ERGIC1: variants seen among roughly 807,000 people sequenced by gnomAD.
The protein encoded by ERGIC1 is endoplasmic reticulum-golgi intermediate compartment 1.
A neutral mutation model predicts 38.3 loss-of-function variants in ERGIC1; 19 were observed. The observed-to-expected ratio is 0.50, with a 90% CI of 0.35 to 0.73. The LOEUF (loss-of-function observed/expected upper bound fraction) is 0.73. Among genes scored for constraint, ERGIC1 ranks in the 30% least tolerant of loss-of-function variants. The pLI is 0.01. For synonymous variants in ERGIC1, 124 were observed against 157.6 expected (o/e 0.79, Z 1.60); for missense variants, 294 against 389.2 (o/e 0.76, Z 2.06).
intron 1 of ERGIC1, among the ~76,000 whole-genome samples, chr5:172,881,062 A>G (rs1431542386): frequency 6.6e-6 from 1 of 152,208 alleles, no homozygotes; most frequent in Non-Finnish European, 1.5e-5. Context: ...CAGCCTGACC[A>G]ACATGGAGAA....
chr5:172,886,661 C>T (rs1041643998), intron 1 of ERGIC1, among the ~76,000 whole-genome samples: 1 of 152,198 alleles, frequency 6.6e-6, no homozygotes, highest in Non-Finnish European at 1.5e-5. Flanking sequence ...CCAGGCTCTG[C>T]CTAAGTACTT....
intron 6 of ERGIC1, 68 bp downstream of exon 6, chr5:172,924,177 C>T: frequency 7.1e-7 from 1 of 1,404,168 alleles, no homozygotes; most frequent in Non-Finnish European, 1.0e-6. Context: ...ACCCAGTGCC[C>T]TCTGCCCTCT....
At chr5:172,899,349 G>C (rs547034077) in intron 3 of ERGIC1, among the ~76,000 whole-genome samples, 6 of 128,332 alleles carry the variant, frequency 4.7e-5, no homozygotes, top group Admixed American at 9.8e-5. Flanking sequence ...ACGGAGTCTC[G>C]CTCTGTCGTC....
intron 4 of ERGIC1, among the ~76,000 whole-genome samples, chr5:172,913,988 A>C (rs1763275247): frequency 6.6e-6 from 1 of 152,130 alleles, no homozygotes; most frequent in Admixed American, 6.5e-5. Flanking sequence ...TAATCCCAGC[A>C]CTTTGGGAGG....
At chr5:172,904,782 C>T (rs548877652) in intron 3 of ERGIC1, among the ~76,000 whole-genome samples, 153 of 152,202 alleles carry the variant, frequency 1.0e-3, no homozygotes, top group African/African-American at 3.5e-3. Flanking sequence ...GCCTTGGACA[C>T]GAAGGCGAAG....
intron 1 of ERGIC1, among the ~76,000 whole-genome samples, chr5:172,852,062 T>G (rs1761422836): frequency 6.6e-6 from 1 of 152,016 alleles, no homozygotes; most frequent in African/African-American, 2.4e-5. Context: ...TACCTGTCAA[T>G]GGGTGAACCA....
intron 9 of ERGIC1, chr5:172,936,294 T>C (rs1429619265): frequency 6.6e-6 from 1 of 152,286 alleles, no homozygotes; most frequent in Non-Finnish European, 1.5e-5. Context: ...TGGCTTCATC[T>C]TCAAGTAGAA....
At chr5:172,840,579 GGTCGGGT>G (rs1233415784) in intron 1 of ERGIC1, among the ~76,000 whole-genome samples, 7 of 152,198 alleles carry the variant, frequency 4.6e-5, no homozygotes, top group Non-Finnish European at 1.0e-4. Context: ...AGGGGAGCCA[GGTCGGGT>G]GGCGGTGGAG....
At chr5:172,928,118 C>T (rs1319191121) in intron 7 of ERGIC1, among the ~76,000 whole-genome samples, 1 of 152,116 alleles carries the variant, frequency 6.6e-6, no homozygotes, top group Non-Finnish European at 1.5e-5. Context: ...CATCCGACGT[C>T]GGCCGTCCAC....
intron 9 of ERGIC1, among the ~76,000 whole-genome samples, chr5:172,943,078 C>G (rs1336084298): frequency 2.0e-5 from 3 of 152,164 alleles, no homozygotes; most frequent in Non-Finnish European, 2.9e-5. Flanking sequence ...AGCCCTGTGA[C>G]TGTGGACAAG....
intron 3 of ERGIC1, among the ~76,000 whole-genome samples, chr5:172,904,877 G>A (rs1762978162): frequency 6.6e-6 from 1 of 152,204 alleles, no homozygotes; most frequent in Non-Finnish European, 1.5e-5. Context: ...AGGAGCCTGG[G>A]AGCAGCCAGT....
chr5:172,867,788 A>T, intron 1 of ERGIC1: 1 of 162,934 alleles, frequency 6.1e-6, no homozygotes, highest in Non-Finnish European at 1.4e-5. Context: ...CACAGGAAGC[A>T]CAGAGGACCT....
chr5:172,879,505 G>A (rs1762229445), intron 1 of ERGIC1, among the ~76,000 whole-genome samples: 1 of 152,216 alleles, frequency 6.6e-6, no homozygotes, highest in South Asian at 2.1e-4. Context: ...TACTTACCAC[G>A]CCCTTACAGT....
intron 3 of ERGIC1, among the ~76,000 whole-genome samples, chr5:172,901,424 C>G (rs1762873606): frequency 6.6e-6 from 1 of 152,134 alleles, no homozygotes; most frequent in Admixed American, 6.6e-5. Flanking sequence ...TGCCCAGTCT[C>G]TGACTGCTCT....
chr5:172,948,631 A>G (rs578248704), intron 9 of ERGIC1, among the ~76,000 whole-genome samples: 1 of 152,342 alleles, frequency 6.6e-6, no homozygotes, highest in Admixed American at 6.5e-5. Flanking sequence ...CTCAGTGAAG[A>G]GGCATCTCCT....
chr5:172,947,251 CAT>C (rs1463638699), intron 9 of ERGIC1, among the ~76,000 whole-genome samples: 1 of 151,938 alleles, frequency 6.6e-6, no homozygotes, highest in East Asian at 1.9e-4. Flanking sequence ...GTGGTGCAAT[CAT>C]AGCTCACTGC....
At chr5:172,890,139 A>G (rs1294910677) in intron 2 of ERGIC1, among the ~76,000 whole-genome samples, 1 of 152,220 alleles carries the variant, frequency 6.6e-6, no homozygotes, top group Non-Finnish European at 1.5e-5. Flanking sequence ...CCACGTGCAT[A>G]TCGTGAGCCC....
At chr5:172,904,739 G>A (rs1358212359) in intron 3 of ERGIC1, among the ~76,000 whole-genome samples, 1 of 152,074 alleles carries the variant, frequency 6.6e-6, no homozygotes, top group Non-Finnish European at 1.5e-5. Context: ...GCGCTGGCTG[G>A]GGTGGCAGGA....
chr5:172,858,624 T>C (rs887675452), intron 1 of ERGIC1, among the ~76,000 whole-genome samples: 2 of 152,196 alleles, frequency 1.3e-5, no homozygotes, highest in African/African-American at 2.4e-5. Context: ...GCCCTGATGA[T>C]TGATTCTAAT....
Sources: allele counts gnomAD v4.1 joint callset (sites outside exome capture counted in the v4.1 genomes callset), GRCh38; gene constraint gnomAD v4.1.1; transcripts MANE v1.5; gene names NCBI Gene and HGNC (gene_info 2026-07-23, HGNC 2026-07-21).